CD209: variants seen among roughly 807,000 people sequenced by gnomAD.
CD209 encodes the protein CD209 antigen.
CD209 carries 31 observed loss-of-function variants against 44.7 expected under a neutral mutation model. That is an observed-to-expected ratio of 0.69 (90% CI 0.52 to 0.94). The LOEUF is 0.94. Ranked by LOEUF, CD209 falls within the 40% of genes least tolerant of loss-of-function variation. CD209 has a pLI of 0.00. For synonymous variants in CD209, 173 were observed against 181.3 expected (o/e 0.95, Z 0.37); for missense variants, 407 against 452.4 (o/e 0.90, Z 0.91).
chr19:7,747,105 C>A (rs1438293337), intron 2 of CD209, among the ~76,000 whole-genome samples: 2 of 151,986 alleles, frequency 1.3e-5, no homozygotes, highest in Non-Finnish European at 2.9e-5. Context: ...CCCCAGAACC[C>A]AGGAGTCTTG....
In CD209 at chr19:7,742,125, A is replaced by G. The variant is rs2033636031; in HGVS notation, c.*914T>C. ...TCAGGTAGTAGAGACAGAACTGTTCAGAGTCCCAAATCCCAATAAACCTGT... is the reference window on the plus strand; with the variant it reads ...TCAGGTAGTAGAGACAGAACTGTTCGGAGTCCCAAATCCCAATAAACCTGT... On this transcript the variant is annotated 3_prime_UTR_variant, in exon 7 of 7. Coordinates refer to ENST00000315599, the MANE Select transcript of CD209 (RefSeq NM_021155.4). 8.2e-6 allele frequency: 2 copies of G among 243,750 alleles called. No individual in the cohort carries two copies. Among genetic ancestry groups the G allele is most frequent in the African/African-American group, 2.3e-5 (1 of 43,394 alleles). The allele number at this position is 243,750 out of a possible 1,614,324, so 15.1% of individuals were successfully genotyped here.
In CD209 at chr19:7,743,150, T is replaced by C. The variant is rs149318064; in HGVS notation, c.1104A>G (p.Lys368=). 15 of 1,614,028 alleles carry C rather than the reference T, an allele frequency of 9.3e-6. No homozygotes were observed. In the African/African-American group the frequency reaches 2.0e-4, roughly 22 times the overall value. ...AGATCCAGAATTTGGCAAGATTACA[T>C]TTGTCGTCGTTCCAGCCATTGCCAC... The part of the protein sequence containing the change: ...EFSGNGWNDD[K]CNLAKFWICK... Residue 368 remains lysine, a synonymous_variant, in exon 7 of 7, where the codon AAA becomes AAG. Coordinates refer to ENST00000315599, the MANE Select transcript of CD209 (RefSeq NM_021155.4).
Position 7,740,861 on chromosome 19 carries a change from T to G in CD209, c.*2178A>C. The G allele has an allele frequency of 1.3e-6, 1 of 743,762 alleles. No homozygotes were observed. Among genetic ancestry groups the G allele is most frequent in the South Asian group, 1.4e-5 (1 of 69,324 alleles). The allele number at this position is 743,762 out of a possible 1,614,324, so 46.1% of individuals were successfully genotyped here. The stretch of plus-strand genomic sequence containing the variant: ...CGGAAGCTGTCCAGAAGATGCTGGA[T>G]CAGGCTGAAAATGAGTTGGAAAATG... On this transcript the variant is annotated 3_prime_UTR_variant, in exon 7 of 7. Transcript: ENST00000315599.
Position 7,747,337 on chromosome 19 carries a change from G to T in CD209, c.75C>A (p.Phe25Leu), listed in dbSNP as rs762628366. 2.5e-6 allele frequency: 4 copies of T among 1,614,170 alleles called. No individual in the cohort carries two copies. Among genetic ancestry groups the T allele is most frequent in the Non-Finnish European group, 2.5e-6 (3 of 1,179,980 alleles). The change falls in exon 2 of 7, where the codon TTC (phenylalanine) becomes TTA (leucine). Residue 25 changes from phenylalanine (F) to leucine (L), a missense_variant. Around this residue, in one of 3 missense-constraint regions of CD209, gnomAD observed 122 missense variants for 110.3 expected, o/e 1.11. Coordinates refer to ENST00000315599, the MANE Select transcript of CD209 (RefSeq NM_021155.4). ...AGCTCTTGTATCCTCGAGTCTGTCG[G>T]AATCCAAGGCCTCTCAGCTGTTCCT... The part of the protein sequence containing the change: ...LEEEQLRGLG[F>L]RQTRGYKSLA...
chr19:7,742,907 C>A lies in CD209; in HGVS notation c.*132G>T. The stretch of plus-strand genomic sequence containing the variant: ...GCTCTACACCAGGGGAAATTGGAGG[C>A]ATGACAAGAAGGACAGAATGGGACC... On this transcript the variant is annotated 3_prime_UTR_variant, in exon 7 of 7. Coordinates refer to ENST00000315599, the MANE Select transcript of CD209 (RefSeq NM_021155.4). 1.3e-6 allele frequency: 1 copy of A among 751,416 alleles called. No homozygotes were observed. Among genetic ancestry groups the A allele is most frequent in the Non-Finnish European group, 2.2e-6 (1 of 449,048 alleles). 46.5% of individuals were successfully genotyped at this position (751,416 alleles called of 1,614,324 possible).
chr19:7,741,333 A>G lies in CD209; in HGVS notation c.*1706T>C, dbSNP rs11260028. The G allele has an allele frequency of 0.96, 362,118 of 379,074 alleles. 174,009 individuals are homozygous for G. The highest frequency in any genetic ancestry group is 1 in the Non-Finnish European group (204,410 of 204,698). 23.5% of individuals were successfully genotyped at this position (379,074 alleles called of 1,614,324 possible). On this transcript the variant is annotated 3_prime_UTR_variant, in exon 7 of 7. Coordinates refer to ENST00000315599, the MANE Select transcript of CD209 (RefSeq NM_021155.4). ...AAAAATACAAGAATTAGCTGGGCGCAGTGGTGCACGCCCAGCTAATTTTTG... is the reference window on the plus strand; with the variant it reads ...AAAAATACAAGAATTAGCTGGGCGCGGTGGTGCACGCCCAGCTAATTTTTG...
Position 7,742,067 on chromosome 19 carries a change from T to G in CD209, c.*972A>C, listed in dbSNP as rs2033633666. 3.4e-6 allele frequency: 1 copy of G among 293,282 alleles called. No individual in the cohort carries two copies. Among genetic ancestry groups the G allele is most frequent in the Non-Finnish European group, 7.0e-6 (1 of 142,340 alleles). The allele number at this position is 293,282 out of a possible 1,614,324, so 18.2% of individuals were successfully genotyped here. A position where few individuals can be genotyped will look rare whatever the true frequency, so the allele number is the denominator to read the frequency against. ...GAGCCGTCACAGCCGGAGCCAAAGC[T>G]CCTCTAGATCCCAAAGTCGTGGTAG... On this transcript the variant is annotated 3_prime_UTR_variant, in exon 7 of 7. Transcript: ENST00000315599.
Position 7,742,762 on chromosome 19 carries a change from A to C in CD209, c.*277T>G. On this transcript the variant is annotated 3_prime_UTR_variant, in exon 7 of 7. Coordinates refer to ENST00000315599, the MANE Select transcript of CD209 (RefSeq NM_021155.4). ...AGGGGACATAGCAGCTACACATGGC[A>C]ACCCAAATATCCTAATCTCCAAAAG... 2 of 514,150 alleles carry C rather than the reference A, an allele frequency of 3.9e-6. No individual in the cohort carries two copies. The highest frequency in any genetic ancestry group is 6.7e-5 in the East Asian group (2 of 29,980). 31.8% of individuals were successfully genotyped at this position (514,150 alleles called of 1,614,324 possible).
rs187439891 is a variant in CD209 at position 7,746,040 on chromosome 19, C to G, written c.226G>C (p.Ala76Pro). The G allele has an allele frequency of 7.4e-6, 12 of 1,614,240 alleles. No homozygotes were observed. Among genetic ancestry groups the G allele is most frequent in the South Asian group, 1.1e-5 (1 of 91,090 alleles). The change falls in exon 4 of 7, where the codon GCG becomes CCG. Residue 76 changes from alanine to proline, a missense_variant. Around this residue, in one of 3 missense-constraint regions of CD209, gnomAD observed 122 missense variants for 110.3 expected, o/e 1.11. Coordinates refer to ENST00000315599, the MANE Select transcript of CD209 (RefSeq NM_021155.4). ...AGCTGGGTCAGGTTCTGGTAGATCG[C>G]GTCTTGCCTGGATTGTTCCTGACTT... The part of the protein sequence containing the change: ...SISQEQSRQD[A>P]IYQNLTQLKA...
At chr19:7,746,431 AC>A (rs1441373048) in intron 3 of CD209, 28 bp downstream of exon 3, 1 of 1,611,588 alleles carries the variant, frequency 6.2e-7, no homozygotes, top group South Asian at 1.1e-5. Context: ...AGGCGTGGGG[AC>A]CCCAGACCCT....
intron 6 of CD209, among the ~76,000 whole-genome samples, chr19:7,743,487 G>T (rs1441095563): frequency 3.3e-5 from 5 of 151,964 alleles, no homozygotes; most frequent in Non-Finnish European, 7.4e-5. Flanking sequence ...AACCAGTCTG[G>T]AGTCCACACC....
At chr19:7,746,825 A>T (rs1278447074) in intron 2 of CD209, among the ~76,000 whole-genome samples, 1 of 143,608 alleles carries the variant, frequency 7.0e-6, no homozygotes, top group Non-Finnish European at 1.5e-5. Flanking sequence ...CCAGGCCCCC[A>T]GCTCCCACCT....
rs1398821538 is a variant in CD209 at position 7,741,403 on chromosome 19, A to G, written c.*1636T>C. The G allele has an allele frequency of 3.9e-5, 15 of 385,680 alleles. No individual in the cohort carries two copies. The highest frequency in any genetic ancestry group is 5.4e-5 in the Non-Finnish European group (11 of 205,396). 23.9% of individuals were successfully genotyped at this position (385,680 alleles called of 1,614,324 possible). Reference sequence around the variant, plus strand: ...GCTACTCGGGAGGCTGAGGCAGGAGAATCGCTTGAACCCGGGAGGCGGAAG... The same window carrying G: ...GCTACTCGGGAGGCTGAGGCAGGAGGATCGCTTGAACCCGGGAGGCGGAAG... On this transcript the variant is annotated 3_prime_UTR_variant, in exon 7 of 7. Transcript: ENST00000315599.
chr19:7,747,436 C>G, intron 1 of CD209, 30 bp downstream of exon 1: 2 of 1,614,250 alleles, frequency 1.2e-6, no homozygotes, highest in Non-Finnish European at 1.7e-6. Flanking sequence ...TCCCCCTTCC[C>G]AGAATCCCAG....
At chr19:7,747,264 G>T (rs926509559) in intron 2 of CD209, 42 bp downstream of exon 2, 1 of 1,606,422 alleles carries the variant, frequency 6.2e-7, no homozygotes, top group Non-Finnish European at 8.5e-7. Flanking sequence ...AGGAGTCCAG[G>T]AGTCTCTCGT....
intron 2 of CD209, among the ~76,000 whole-genome samples, 177 bp from the exon 3 acceptor site, chr19:7,746,708 G>A (rs1251303026): frequency 2.7e-5 from 4 of 149,458 alleles, no homozygotes; most frequent in Admixed American, 1.3e-4. Flanking sequence ...CAGGGACCCC[G>A]TCCCCAGCCT....
chr19:7,745,771 C>G lies in CD209; in HGVS notation c.495G>C (p.Lys165Asn). The G allele has an allele frequency of 6.2e-7, 1 of 1,606,580 alleles. No homozygotes were observed. Among genetic ancestry groups the G allele is most frequent in the East Asian group, 2.2e-5 (1 of 44,804 alleles). Residue 165 changes from lysine to asparagine, a missense_variant, in exon 4 of 7, where the codon AAG becomes AAC. By Grantham distance (94) the Lys-to-Asn change is moderately conservative (BLOSUM62 0). This residue lies in a region of CD209 where 85 missense variants were observed against 139.9 expected (regional missense o/e 0.61). Coordinates refer to ENST00000315599, the MANE Select transcript of CD209 (RefSeq NM_021155.4). ...TCAGCTCCTGGTAGATCTCCTGCAT[C>G]TTAGATTTCTCTGGAAGCTCACCCA... ...AAVGELPEKS[K>N]MQEIYQELTR...
chr19:7,747,401 G>A (rs748619338), intron 1 of CD209, 36 bp from the exon 2 acceptor site: 2 of 1,614,208 alleles, frequency 1.2e-6, no homozygotes, highest in Non-Finnish European at 1.7e-6. Context: ...GCCTGGGCAG[G>A]CTGAGGCCAT....
At chr19:7,745,180 A>G in intron 4 of CD209, 88 bp from the exon 5 acceptor site, 1 of 1,537,294 alleles carries the variant, frequency 6.5e-7, no homozygotes, top group East Asian at 2.3e-5. Flanking sequence ...TGAGAGTCAG[A>G]GTCCTTCCTT....
Sources: allele counts gnomAD v4.1 joint callset (sites outside exome capture counted in the v4.1 genomes callset), GRCh38; gene constraint gnomAD v4.1.1; regional missense constraint gnomAD v4.1.1; transcripts MANE v1.5; gene names NCBI Gene and HGNC (gene_info 2026-07-23, HGNC 2026-07-21).